Variants in NAV3 observed in about 807,000 individuals in gnomAD.
The protein encoded by NAV3 is pore membrane and/or filament interacting like protein 1.
NAV3 carries 87 observed loss-of-function variants against 244.7 expected under a neutral mutation model. The observed-to-expected ratio is 0.36, with a 90% CI of 0.30 to 0.42. The LOEUF is 0.42. Among genes scored for constraint, NAV3 ranks in the 20% least tolerant of loss-of-function variants. The pLI, the probability that NAV3 is intolerant of heterozygous loss-of-function variation, is 1.00. For missense variants in NAV3, 2,663 were observed against 2,893.3 expected (o/e 0.92, Z 1.83); for synonymous variants, 1,126 against 1,042.2 (o/e 1.08, Z -1.55).
chr12:78,044,414 G>T (rs1258187336), intron 9 of NAV3, among the ~76,000 whole-genome samples: 1 of 152,078 alleles, frequency 6.6e-6, no homozygotes, highest in Admixed American at 6.6e-5. Flanking sequence ...GGCTATACGG[G>T]CTCTTTTTTG....
chr12:77,578,502 T>C lies in NAV3; in HGVS notation c.72+6236T>C, dbSNP rs368369159. On this transcript the variant is annotated intron_variant, in intron 2 of 8. Transcript: ENST00000550042. ...AATAAATTACTTGCACTTGGATCAT[T>C]GTTTTGGGGTCTGCTCTCAGGAAAC... 2.2e-4 allele frequency among the ~76,000 whole-genome samples: 34 copies of C among 152,316 alleles called. No homozygotes were observed. The South Asian group carries it at 5.0e-3, about 22-fold the overall frequency.
chr12:77,777,508 C>G (rs796767371), intron 2 of NAV3, among the ~76,000 whole-genome samples: 15 of 152,260 alleles, frequency 9.9e-5, no homozygotes, highest in African/African-American at 3.6e-4. Flanking sequence ...TTAGACACAG[C>G]AGGGTGGGCC....
chr12:77,741,403 A>T, intron 2 of NAV3, among the ~76,000 whole-genome samples: 1 of 152,064 alleles, frequency 6.6e-6, no homozygotes, highest in East Asian at 1.9e-4. Context: ...ACATACACAC[A>T]CACATATACT....
intron 2 of NAV3, among the ~76,000 whole-genome samples, chr12:77,630,622 G>C (rs1197535483): frequency 6.6e-6 from 1 of 152,112 alleles, no homozygotes; most frequent in Non-Finnish European, 1.5e-5. Context: ...ATGCATTAAA[G>C]ACGTGAAGGA....
intron 2 of NAV3, among the ~76,000 whole-genome samples, chr12:77,638,177 A>C (rs993580582): frequency 1.5e-4 from 23 of 152,228 alleles, no homozygotes; most frequent in Admixed American, 5.2e-4. Context: ...GCATTAATTA[A>C]AAACTAGAAT....
At chr12:77,870,884 T>G (rs1826630582) in intron 1 of NAV3, among the ~76,000 whole-genome samples, 1 of 152,224 alleles carries the variant, frequency 6.6e-6, no homozygotes, top group African/African-American at 2.4e-5. Context: ...AGTAAACATT[T>G]GTTCATTTTA....
intron 12 of NAV3, among the ~76,000 whole-genome samples, chr12:78,112,995 G>T (rs1955179775): frequency 6.6e-6 from 1 of 152,146 alleles, no homozygotes; most frequent in East Asian, 1.9e-4. Context: ...AAACCAAGGG[G>T]CTACAGGCCT....
intron 2 of NAV3, among the ~76,000 whole-genome samples, chr12:77,667,601 C>T (rs1404775528): frequency 1.3e-5 from 2 of 152,078 alleles, no homozygotes; most frequent in Non-Finnish European, 2.9e-5. Context: ...ACACGGCAAG[C>T]CTCACCCAGG....
chr12:78,115,087 T>C (rs1955306927), intron 12 of NAV3, among the ~76,000 whole-genome samples: 1 of 152,216 alleles, frequency 6.6e-6, no homozygotes, highest in Non-Finnish European at 1.5e-5. Context: ...GATGTAGCTC[T>C]TAAAGTACAT....
chr12:78,003,889 C>A (rs937075157), intron 7 of NAV3, among the ~76,000 whole-genome samples: 1 of 152,160 alleles, frequency 6.6e-6, no homozygotes, highest in Admixed American at 6.5e-5. Flanking sequence ...GTATATAATA[C>A]CTGAATAAAG....
intron 12 of NAV3, among the ~76,000 whole-genome samples, chr12:78,106,141 CT>C (rs1170187051): frequency 6.6e-6 from 1 of 151,714 alleles, no homozygotes; most frequent in Non-Finnish European, 1.5e-5. Context: ...GTATAATTGC[CT>C]TTTTTTATAG....
Position 77,580,581 on chromosome 12 carries a change from T to C in NAV3, c.72+8315T>C, listed in dbSNP as rs748034181. On this transcript the variant is annotated intron_variant, in intron 2 of 8. Transcript: ENST00000550042. ...ACACATTTGTTAAATCAAAATACTT[T>C]ATGGCCATGGCATATTGACAAGAGC... is the stretch of plus-strand genomic sequence containing the variant. 1.8e-4 allele frequency among the ~76,000 whole-genome samples: 28 copies of C among 152,350 alleles called. 1 individual carries two copies. The highest frequency in any genetic ancestry group is 3.2e-4 in the Non-Finnish European group (22 of 68,036).
At chr12:77,680,687 T>C (rs1447839504) in intron 2 of NAV3, among the ~76,000 whole-genome samples, 1 of 152,156 alleles carries the variant, frequency 6.6e-6, no homozygotes, top group African/African-American at 2.4e-5. Flanking sequence ...CTTTATTGAT[T>C]TTCAGGAAAC....
chr12:77,854,551 A>G (rs1343757108), intron 1 of NAV3, among the ~76,000 whole-genome samples: 3 of 151,380 alleles, frequency 2.0e-5, no homozygotes, highest in Admixed American at 1.3e-4. Flanking sequence ...AAATAAAGCT[A>G]TGTAATCATG....
chr12:77,688,553 G>A (rs79775876), intron 2 of NAV3, among the ~76,000 whole-genome samples: 3,418 of 152,114 alleles, frequency 0.022, 50 homozygotes, highest in Non-Finnish European at 0.034. Flanking sequence ...GAATCAGTAA[G>A]TGAAGGAGAC....
chr12:77,921,898 TG>T (rs1179036537), intron 1 of NAV3, among the ~76,000 whole-genome samples: 2 of 152,118 alleles, frequency 1.3e-5, no homozygotes, highest in Admixed American at 1.3e-4. Context: ...GAGCTTCAAT[TG>T]TTTCACGTGT....
At chr12:77,692,668 G>A (rs1175577125) in intron 2 of NAV3, among the ~76,000 whole-genome samples, 1 of 151,910 alleles carries the variant, frequency 6.6e-6, no homozygotes, top group Non-Finnish European at 1.5e-5. Context: ...TTTAAATAAA[G>A]GTATAGTAAT....
intron 1 of NAV3, among the ~76,000 whole-genome samples, chr12:77,874,732 T>G (rs1283258233): frequency 6.6e-6 from 1 of 152,276 alleles, no homozygotes; most frequent in African/African-American, 2.4e-5. Flanking sequence ...GTGGACCAAA[T>G]TTCACAGGTC....
chr12:77,616,753 C>T lies in NAV3; in HGVS notation c.72+44487C>T, dbSNP rs1008419314. 4.6e-5 allele frequency among the ~76,000 whole-genome samples: 7 copies of T among 151,862 alleles called. No individual in the cohort carries two copies. In the East Asian group the frequency reaches 1.2e-3, roughly 25 times the overall value. ...GCGCACACACACACACACACACACA[C>T]GATTATGTATTAAAATATGCTCCAT... On this transcript the variant is annotated intron_variant, in intron 2 of 8. Transcript: ENST00000550042.
Sources: allele counts gnomAD v4.1 joint callset (sites outside exome capture counted in the v4.1 genomes callset), GRCh38; gene constraint gnomAD v4.1.1; transcripts MANE v1.5; gene names NCBI Gene and HGNC (gene_info 2026-07-23, HGNC 2026-07-21).